SUCLG2: variants seen among roughly 807,000 people sequenced by gnomAD.
The protein encoded by SUCLG2 is succinate-CoA ligase GDP-forming subunit beta.
SUCLG2 carries 42 observed loss-of-function variants against 47.9 expected under a neutral mutation model. The observed-to-expected ratio is 0.88, with a 90% confidence interval of 0.69 to 1.14. The LOEUF is 1.14. Ranked by LOEUF, SUCLG2 falls within the 50% of genes most tolerant of loss-of-function variation. The pLI, the probability that SUCLG2 is intolerant of heterozygous loss-of-function variation, is 0.00. For synonymous variants in SUCLG2, 195 were observed against 197.3 expected (o/e 0.99, Z 0.10); for missense variants, 571 against 525.9 (o/e 1.09, Z -0.84).
rs1175815964 is a variant in SUCLG2 at position 67,443,852 on chromosome 3, C to T, written c.1063-43001G>A. ...CTGAGAAGTGAGGAGCCCCTCCGCC[C>T]GGCAGCTGCCCCGTCTGAGAAGTGA... On this transcript the variant is annotated intron_variant, in intron 9 of 10. Coordinates refer to ENST00000307227, the MANE Select transcript of SUCLG2 (RefSeq NM_003848.4). Among the ~76,000 whole-genome samples the T allele has an allele frequency of 2.1e-4, 17 of 80,420 alleles. 1 individual carries two copies. The highest frequency in any genetic ancestry group is 5.0e-4 in the African/African-American group (13 of 26,034). 52.8% of individuals were successfully genotyped at this position (80,420 alleles called of 152,430 possible).
chr3:67,397,384 CAG>C (rs1185546729), intron 10 of SUCLG2, among the ~76,000 whole-genome samples: 6 of 151,824 alleles, frequency 4.0e-5, no homozygotes, highest in Non-Finnish European at 8.8e-5. Context: ...CAATAACAGA[CAG>C]AGAGCCAAAT....
chr3:67,525,692 C>T (rs1420136474), intron 4 of SUCLG2, among the ~76,000 whole-genome samples: 1 of 151,820 alleles, frequency 6.6e-6, no homozygotes, highest in East Asian at 1.9e-4. Context: ...TAGAAAAAAA[C>T]ATGAGAAAAT....
intron 6 of SUCLG2, among the ~76,000 whole-genome samples, chr3:67,509,922 C>T (rs1021717825): frequency 6.6e-6 from 1 of 152,104 alleles, no homozygotes; most frequent in Admixed American, 6.5e-5. Context: ...AGCTGGTTTC[C>T]AGCTGGGGTC....
chr3:67,509,759 C>T (rs542841378), intron 6 of SUCLG2, among the ~76,000 whole-genome samples: 16 of 152,294 alleles, frequency 1.1e-4, no homozygotes, highest in Middle Eastern at 3.4e-3. Flanking sequence ...ATTCCCAGCT[C>T]CATTTTCCAA....
chr3:67,630,568 C>T (rs967776421), intron 1 of SUCLG2, among the ~76,000 whole-genome samples: 1 of 152,192 alleles, frequency 6.6e-6, no homozygotes, highest in Non-Finnish European at 1.5e-5. Flanking sequence ...GTGCCAAGCA[C>T]CTTATGTATA....
At chr3:67,477,529 T>C (rs1704795946) in intron 9 of SUCLG2, among the ~76,000 whole-genome samples, 1 of 152,170 alleles carries the variant, frequency 6.6e-6, no homozygotes, top group South Asian at 2.1e-4. Flanking sequence ...ACCCCGTCTC[T>C]ATTAAAAATA....
rs1386280910 is a variant in SUCLG2 at position 67,509,043 on chromosome 3, A to C, written c.661-140T>G. ...TCTGAAGGGAAAAACAGAAAAGCAT[A>C]ATTATTTTAATTTCCACTGCTATTC... On this transcript the variant is annotated intron_variant, in intron 6 of 10. Coordinates refer to ENST00000307227, the MANE Select transcript of SUCLG2 (RefSeq NM_003848.4). 9 of 611,068 alleles carry C rather than the reference A, an allele frequency of 1.5e-5. No individual in the cohort carries two copies. The Admixed American group carries it at 3.1e-4, about 21-fold the overall frequency. 37.9% of individuals were successfully genotyped at this position (611,068 alleles called of 1,614,324 possible).
At chr3:67,478,143 C>G (rs1559541140) in intron 9 of SUCLG2, among the ~76,000 whole-genome samples, 1 of 152,124 alleles carries the variant, frequency 6.6e-6, no homozygotes, top group Non-Finnish European at 1.5e-5. Context: ...TCAGCTAGCT[C>G]AACAATGCCT....
At chr3:67,484,447 A>T (rs1012290398) in intron 9 of SUCLG2, among the ~76,000 whole-genome samples, 1 of 152,246 alleles carries the variant, frequency 6.6e-6, no homozygotes, top group Non-Finnish European at 1.5e-5. Flanking sequence ...GTTTGTTCTA[A>T]AAAGATATTT....
chr3:67,599,229 T>C (rs565677720), intron 2 of SUCLG2, among the ~76,000 whole-genome samples: 2 of 152,290 alleles, frequency 1.3e-5, no homozygotes, highest in South Asian at 2.1e-4. Context: ...AAGATTTGAA[T>C]TCAAGGCGAA....
chr3:67,393,763 G>C (rs149218953), intron 10 of SUCLG2, among the ~76,000 whole-genome samples: 5,556 of 152,268 alleles, frequency 0.036, 156 homozygotes, highest in Middle Eastern at 0.065. Context: ...GCCTAACTGC[G>C]AGGCACCCCA....
At chr3:67,649,435 A>C (rs1701248079) in intron 1 of SUCLG2, among the ~76,000 whole-genome samples, 1 of 152,126 alleles carries the variant, frequency 6.6e-6, no homozygotes, top group Admixed American at 6.5e-5. Flanking sequence ...TATTTGTTTG[A>C]TTTTTCAGTT....
chr3:67,502,649 A>C (rs755720614), intron 7 of SUCLG2, among the ~76,000 whole-genome samples: 1 of 152,200 alleles, frequency 6.6e-6, no homozygotes, highest in African/African-American at 2.4e-5. Flanking sequence ...GCTTCCCATT[A>C]TTGTAGCCCA....
At chr3:67,608,803 G>T (rs530077668) in intron 2 of SUCLG2, among the ~76,000 whole-genome samples, 2 of 151,902 alleles carry the variant, frequency 1.3e-5, no homozygotes, top group East Asian at 3.9e-4. Flanking sequence ...AAAGCCTCCA[G>T]AGTAGCTAGG....
intron 2 of SUCLG2, among the ~76,000 whole-genome samples, chr3:67,560,328 C>T (rs568104018): frequency 2.0e-5 from 3 of 152,324 alleles, no homozygotes; most frequent in South Asian, 2.1e-4. Flanking sequence ...CTGCCACCAC[C>T]TTGAGCAGGG....
chr3:67,507,716 G>A lies in SUCLG2; in HGVS notation c.757+1091C>T, dbSNP rs182324518. Among the ~76,000 whole-genome samples the A allele has an allele frequency of 9.2e-5, 14 of 152,322 alleles. No individual in the cohort carries two copies. The East Asian group carries it at 2.1e-3, about 23-fold the overall frequency. ...CTAAGGAGAAAATATTGTCTCATCC[G>A]TCTTGGTCCAAAAGTTGATGTGTTT... is the stretch of plus-strand genomic sequence containing the variant. On this transcript the variant is annotated intron_variant, in intron 7 of 10. Coordinates refer to ENST00000307227, the MANE Select transcript of SUCLG2 (RefSeq NM_003848.4).
chr3:67,478,867 T>A (rs1487183491), intron 9 of SUCLG2, among the ~76,000 whole-genome samples: 1 of 152,212 alleles, frequency 6.6e-6, no homozygotes, highest in Non-Finnish European at 1.5e-5. Context: ...CTAAAATGTA[T>A]GGGTCACTTA....
At chr3:67,618,528 T>C (rs1359363591) in intron 1 of SUCLG2, among the ~76,000 whole-genome samples, 1 of 152,208 alleles carries the variant, frequency 6.6e-6, no homozygotes, top group South Asian at 2.1e-4. Context: ...GTTGGTTAAG[T>C]AGCTTGTCTA....
rs1702022921 is a variant in SUCLG2 at position 67,375,758 on chromosome 3, C to A, written c.1285G>T (p.Val429Leu). ...GGACAAAGACATCACTTCTTGGCCA[C>A]ACTGGCCACAGCCTTCTTGGCTGCA... ...EDAAKKAVAS[V>L]AKK The change falls in exon 11 of 11, where the codon GTG (valine) becomes TTG (leucine). Residue 429 changes from valine (V) to leucine (L), a missense_variant. Transcript: ENST00000307227. 1.2e-6 allele frequency: 2 copies of A among 1,613,350 alleles called. No individual in the cohort carries two copies. Among genetic ancestry groups the A allele is most frequent in the Non-Finnish European group, 1.7e-6 (2 of 1,179,830 alleles).
Sources: gnomAD v4.1 joint callset for allele counts (sites outside exome capture counted in the v4.1 genomes callset) on GRCh38, gnomAD v4.1.1 for gene constraint, MANE v1.5 for transcripts, NCBI Gene and HGNC (gene_info 2026-07-23, HGNC 2026-07-21) for gene names.